The following LRTM3 variants were observed in gnomAD, a reference collection of about 807,000 sequenced individuals.
LRTM3 encodes leucine rich repeat transmembrane protein 3.
the LRTM3 span, chr13:102,747,060 C>CCT: frequency 6.4e-7 from 1 of 1,551,152 alleles, no homozygotes; most frequent in Non-Finnish European, 8.7e-7. Flanking sequence ...TCATGCAGGA[C>CCT]TGCTTTTGGT....
At chr13:102,739,412 G>A in the LRTM3 span, 2 of 1,550,376 alleles carry the variant, frequency 1.3e-6, no homozygotes, top group Non-Finnish European at 1.7e-6. Flanking sequence ...GGCATTTGAT[G>A]ATGCCTGGAG....
chr13:102,736,722 G>A, the LRTM3 span: 4,718 of 1,550,370 alleles, frequency 3.0e-3, 138 homozygotes, highest in African/African-American at 0.057. Flanking sequence ...TGGGAAAGGG[G>A]TGATTTCTCT....
At chr13:102,747,513 A>G in the LRTM3 span, 1 of 1,550,830 alleles carries the variant, frequency 6.4e-7, no homozygotes, top group African/African-American at 1.4e-5. Context: ...AAAGTAAGCA[A>G]GTGGTTATTG....
chr13:102,748,081 C>T, the LRTM3 span: 875 of 1,550,982 alleles, frequency 5.6e-4, 5 homozygotes, highest in African/African-American at 0.01. Context: ...AATGACTGAG[C>T]CTTATTATTC....
At chr13:102,743,978 C>T in the LRTM3 span, 30 of 1,550,282 alleles carry the variant, frequency 1.9e-5, no homozygotes, top group African/African-American at 1.5e-4. Context: ...CAGATTTTGT[C>T]GGCGTGTTCT....
At chr13:102,736,012 T>G in the LRTM3 span, 3 of 1,549,782 alleles carry the variant, frequency 1.9e-6, no homozygotes, top group South Asian at 3.6e-5. Flanking sequence ...TTTTGGGGAG[T>G]ATTCTACCTT....
At chr13:102,729,546 C>G in the LRTM3 span, 2 of 1,511,630 alleles carry the variant, frequency 1.3e-6, no homozygotes, top group African/African-American at 1.4e-5. Flanking sequence ...ATCTTTGCCA[C>G]TAGGGGAATT....
chr13:102,749,202 T>C, the LRTM3 span: 3 of 1,550,122 alleles, frequency 1.9e-6, no homozygotes, highest in South Asian at 1.2e-5. Flanking sequence ...GAAGTTGGTG[T>C]TTTTTTGGCT....
chr13:102,756,606 G>A, the LRTM3 span, among the ~76,000 whole-genome samples: 4 of 149,420 alleles, frequency 2.7e-5, no homozygotes, highest in East Asian at 2.0e-4. Flanking sequence ...CCCAGGAGGC[G>A]GAGGTTGCAG....
At chr13:102,753,391 C>T in the LRTM3 span, among the ~76,000 whole-genome samples, 39 of 151,702 alleles carry the variant, frequency 2.6e-4, 1 homozygote, top group Admixed American at 1.8e-3. Context: ...GGCTTAAAAC[C>T]TAGATGACGG....
the LRTM3 span, chr13:102,730,037 GCAGTATTTGATGAACTATGACACAAC>G: frequency 6.4e-7 from 1 of 1,551,432 alleles, no homozygotes; most frequent in Non-Finnish European, 8.7e-7. Flanking sequence ...CTGAATTTCC[GCAGTATTTGATGAACTATGACACAAC>G]CAGTCAGGAG....
chr13:102,745,690 A>G, the LRTM3 span: 1 of 1,551,062 alleles, frequency 6.4e-7, no homozygotes, highest in South Asian at 1.2e-5. Flanking sequence ...CTTTCTTTTC[A>G]GTACCACCAG....
At chr13:102,746,043 G>A in the LRTM3 span, 1 of 1,551,138 alleles carries the variant, frequency 6.4e-7, no homozygotes, top group Non-Finnish European at 8.7e-7. Flanking sequence ...GGACCTCCAA[G>A]GACTTTTATG....
chr13:102,739,626 T>C, the LRTM3 span: 2 of 1,550,472 alleles, frequency 1.3e-6, no homozygotes, highest in Non-Finnish European at 1.7e-6. Flanking sequence ...ATACTGAGTA[T>C]ATGTGACAGT....
the LRTM3 span, among the ~76,000 whole-genome samples, chr13:102,755,504 A>G: frequency 6.6e-6 from 1 of 152,158 alleles, no homozygotes; most frequent in Non-Finnish European, 1.5e-5. Flanking sequence ...TTGCAGGGAC[A>G]TGGATGAAGC....
chr13:102,749,722 G>A, the LRTM3 span: 4 of 1,551,372 alleles, frequency 2.6e-6, no homozygotes, highest in African/African-American at 1.4e-5. Context: ...TTGATTCTTG[G>A]TTATGATTTA....
the LRTM3 span, chr13:102,735,183 T>C: frequency 6.4e-7 from 1 of 1,551,352 alleles, no homozygotes; most frequent in Non-Finnish European, 8.7e-7. Flanking sequence ...AAACTGTGCG[T>C]ATGTAAGACA....
At chr13:102,734,848 G>A in the LRTM3 span, 4 of 1,551,006 alleles carry the variant, frequency 2.6e-6, no homozygotes, top group South Asian at 4.8e-5. Flanking sequence ...GATGTTTGGG[G>A]AATATTAAGA....
At chr13:102,750,613 C>T in the LRTM3 span, among the ~76,000 whole-genome samples, 1 of 152,134 alleles carries the variant, frequency 6.6e-6, no homozygotes, top group East Asian at 1.9e-4. Context: ...ATCTCAGAGA[C>T]TATACCTCAG....
Sources: gnomAD v4.1 joint callset for allele counts (sites outside exome capture counted in the v4.1 genomes callset) on GRCh38, gnomAD v4.1.1 for gene constraint, MANE v1.5 for transcripts, NCBI Gene and HGNC (gene_info 2026-07-23, HGNC 2026-07-21) for gene names.